Variants in GRM7 observed in about 807,000 individuals in gnomAD.
The protein encoded by GRM7 is metabotropic glutamate receptor 7.
Under a neutral mutation model 84.5 loss-of-function variants are expected in GRM7, and 35 were observed. The ratio of observed to expected loss-of-function variants is 0.41; its 90% CI spans 0.32 to 0.55. GRM7 has a LOEUF of 0.55. GRM7 is among the 20% of genes least tolerant of loss of function. The pLI is 0.19. For synonymous variants in GRM7, 487 were observed against 455.1 expected (o/e 1.07, Z -0.89); for missense variants, 1,003 against 1,194.6 (o/e 0.84, Z 2.36).
At chr3:7,193,138 A>T (rs367671205) in intron 2 of GRM7, among the ~76,000 whole-genome samples, 1 of 152,104 alleles carries the variant, frequency 6.6e-6, no homozygotes. Flanking sequence ...GGTTAGGGTC[A>T]TAGGCCTCAA....
chr3:7,278,754 A>T (rs1196291272), intron 2 of GRM7, among the ~76,000 whole-genome samples: 1 of 152,182 alleles, frequency 6.6e-6, no homozygotes, highest in African/African-American at 2.4e-5. Flanking sequence ...ATAGGAGTGA[A>T]TCTGCAACAA....
intron 1 of GRM7, among the ~76,000 whole-genome samples, chr3:6,973,974 A>G (rs1197268440): frequency 2.0e-5 from 3 of 152,230 alleles, no homozygotes; most frequent in African/African-American, 7.2e-5. Context: ...CTGAACAGAG[A>G]GACCAGTTAC....
intron 7 of GRM7, among the ~76,000 whole-genome samples, chr3:7,496,936 G>A (rs902922411): frequency 6.6e-6 from 1 of 151,894 alleles, no homozygotes; most frequent in African/African-American, 2.4e-5. Flanking sequence ...TTTTATGTAA[G>A]TTTTAAAATA....
chr3:6,985,441 G>A lies in GRM7; in HGVS notation c.519+123534G>A, dbSNP rs1291611936. Among the ~76,000 whole-genome samples, 3 of 152,016 alleles carry A rather than the reference G, an allele frequency of 2.0e-5. No homozygotes were observed. The East Asian group carries it at 5.8e-4, about 29-fold the overall frequency. On this transcript the variant is annotated intron_variant, in intron 1 of 9. Coordinates refer to ENST00000357716, the MANE Select transcript of GRM7 (RefSeq NM_000844.4). ...TTTGATTTTTAGGTCCCACAAATAT[G>A]TGAGAACATGTGATGTTTGTCTGTC...
chr3:7,059,311 T>A (rs1697344639), intron 1 of GRM7, among the ~76,000 whole-genome samples: 1 of 151,826 alleles, frequency 6.6e-6, no homozygotes, highest in South Asian at 2.1e-4. Flanking sequence ...ATGAACCACA[T>A]CTAAAGAGCC....
intron 1 of GRM7, among the ~76,000 whole-genome samples, chr3:7,103,804 T>TC (rs1699199704): frequency 2.9e-5 from 3 of 104,436 alleles, no homozygotes; most frequent in African/African-American, 1.6e-4. Context: ...CTTTCTTTCT[T>TC]TCTTTCTTTC....
chr3:7,196,218 G>C (rs1695874007), intron 2 of GRM7, among the ~76,000 whole-genome samples: 2 of 152,068 alleles, frequency 1.3e-5, no homozygotes, highest in African/African-American at 4.8e-5. Flanking sequence ...CTCCAGAGAA[G>C]AGTTTTTTGT....
intron 1 of GRM7, among the ~76,000 whole-genome samples, chr3:7,065,228 A>T (rs1697611908): frequency 6.6e-6 from 1 of 151,664 alleles, no homozygotes; most frequent in Non-Finnish European, 1.5e-5. Flanking sequence ...TTTTTATTGC[A>T]TTTGCTTTTG....
chr3:6,865,390 T>C (rs1287701017), intron 1 of GRM7, among the ~76,000 whole-genome samples: 1 of 152,148 alleles, frequency 6.6e-6, no homozygotes, highest in Admixed American at 6.5e-5. Context: ...CATGGGAACA[T>C]TTTCATTCAA....
At chr3:7,035,198 A>G (rs372523264) in intron 1 of GRM7, among the ~76,000 whole-genome samples, 10 of 152,300 alleles carry the variant, frequency 6.6e-5, no homozygotes, top group Admixed American at 3.9e-4. Context: ...CTGTGAAATC[A>G]GAGATGTGCA....
At chr3:7,428,274 A>C (rs964733677) in intron 5 of GRM7, among the ~76,000 whole-genome samples, 8 of 148,924 alleles carry the variant, frequency 5.4e-5, no homozygotes, top group African/African-American at 2.0e-4. Context: ...CAAAGAAAAG[A>C]CTGTCCTTGA....
At chr3:7,455,455 C>G (rs1226386812) in intron 6 of GRM7, among the ~76,000 whole-genome samples, 2 of 152,062 alleles carry the variant, frequency 1.3e-5, no homozygotes, top group African/African-American at 4.8e-5. Context: ...AAGAGGTAAT[C>G]AAGGTGGACA....
intron 4 of GRM7, among the ~76,000 whole-genome samples, chr3:7,337,213 A>C (rs1460051751): frequency 6.6e-6 from 1 of 152,146 alleles, no homozygotes; most frequent in Non-Finnish European, 1.5e-5. Flanking sequence ...TTGGCAAGCC[A>C]CACGTCGAAG....
chr3:7,514,910 G>C (rs1372235048), intron 7 of GRM7, among the ~76,000 whole-genome samples: 1 of 152,016 alleles, frequency 6.6e-6, no homozygotes, highest in African/African-American at 2.4e-5. Context: ...AATAGTGTTT[G>C]GGAGTTAGCT....
At chr3:7,310,525 G>A (rs1700354158) in intron 4 of GRM7, among the ~76,000 whole-genome samples, 1 of 152,064 alleles carries the variant, frequency 6.6e-6, no homozygotes, top group East Asian at 1.9e-4. Context: ...GTCTACCTGT[G>A]TCACAGGGTT....
intron 1 of GRM7, among the ~76,000 whole-genome samples, chr3:6,965,720 C>T (rs771050427): frequency 6.6e-6 from 1 of 152,088 alleles, no homozygotes; most frequent in African/African-American, 2.4e-5. Context: ...AAATTAAAAT[C>T]TTAGGTTGTT....
intron 9 of GRM7, among the ~76,000 whole-genome samples, chr3:7,727,726 T>C (rs913266657): frequency 1.3e-5 from 2 of 152,196 alleles, no homozygotes; most frequent in Non-Finnish European, 2.9e-5. Context: ...AAAGACATCT[T>C]ACTCCCTCTG....
intron 9 of GRM7, among the ~76,000 whole-genome samples, chr3:7,689,967 G>A (rs1575636017): frequency 6.6e-6 from 1 of 152,212 alleles, no homozygotes; most frequent in East Asian, 1.9e-4. Flanking sequence ...CAAGGTATGT[G>A]CCAAGTGTCA....
intron 4 of GRM7, among the ~76,000 whole-genome samples, chr3:7,410,770 G>A (rs932789972): frequency 2.6e-5 from 4 of 151,972 alleles, no homozygotes; most frequent in African/African-American, 9.7e-5. Context: ...TGAGAACAAT[G>A]TTATCATTTG....
Sources: allele counts gnomAD v4.1 joint callset (sites outside exome capture counted in the v4.1 genomes callset), GRCh38; gene constraint gnomAD v4.1.1; transcripts MANE v1.5; gene names NCBI Gene and HGNC (gene_info 2026-07-23, HGNC 2026-07-21).